CCDC185: variants seen among roughly 807,000 people sequenced by gnomAD.
The protein encoded by CCDC185 is coiled-coil domain containing 185.
For missense variants in CCDC185, 982 were observed against 825.3 expected (o/e 1.19, Z -2.33); for synonymous variants, 381 against 348.1 (o/e 1.09, Z -1.05).
rs1346796479 is a variant in CCDC185, at chr1:223,394,389, T to A, written c.914T>A (p.Leu305Gln). 2 of 1,570,804 alleles carry A rather than the reference T, an allele frequency of 1.3e-6. No individual in the cohort carries two copies. The highest frequency in any genetic ancestry group is 8.6e-7 in the Non-Finnish European group (1 of 1,158,426). ...ACCCTGGAGCGGGAGCGCCGGCTGC[T>A]GCTGCGGCAGAGCCAGGAGCAGTGG... ...QMTLERERRL[L>Q]LRQSQEQWQE... The change falls in exon 1 of 1, where the codon CTG becomes CAG. Residue 305 changes from leucine (L) to glutamine (Q), a missense_variant. Coordinates refer to ENST00000366875, the MANE Select transcript of CCDC185 (RefSeq NM_152610.3).
In CCDC185 at chr1:223,395,083, C is replaced by A. The variant is rs1669645438; in HGVS notation, c.1608C>A (p.Asn536Lys). ...AGGTGCAGCACCTCCGGGAGCTCAA[C>A]CACCTGAGGGAGAAAAACCACCACA... ...RDKVQHLREL[N>K]HLREKNHHIL... Residue 536 changes from asparagine to lysine, a missense_variant, in exon 1 of 1, where the codon AAC becomes AAA. Coordinates refer to ENST00000366875, the MANE Select transcript of CCDC185 (RefSeq NM_152610.3). 2 of 1,614,022 alleles carry A rather than the reference C, an allele frequency of 1.2e-6. No homozygotes were observed. Among genetic ancestry groups the A allele is most frequent in the African/African-American group, 2.7e-5 (2 of 74,908 alleles).
chr1:223,393,767 A>G lies in CCDC185; in HGVS notation c.292A>G (p.Lys98Glu). Residue 98 changes from lysine to glutamate, a missense_variant, in exon 1 of 1, where the codon AAG becomes GAG. By Grantham distance (56) the Lys-to-Glu change is moderately conservative. Coordinates refer to ENST00000366875, the MANE Select transcript of CCDC185 (RefSeq NM_152610.3). This position sits in a 1 kb window ranked among gnomAD's most constrained non-coding sequence, Gnocchi z 4.8. ...CCGCAGGCCCCTGGAACGTTCCAGG[A>G]AGCACCGGCCCCGCAGCAGGCGCCT... ...VARRPLERSRKHRPRSRRLED... is the reference protein window; with the variant it reads ...VARRPLERSREHRPRSRRLED... 6.4e-7 allele frequency: 1 copy of G among 1,565,384 alleles called. No individual in the cohort carries two copies. The highest frequency in any genetic ancestry group is 8.6e-7 in the Non-Finnish European group (1 of 1,157,394).
chr1:223,395,189 G>GTGCAGCACATT, the CCDC185 span: 1 of 1,613,850 alleles, frequency 6.2e-7, no homozygotes, highest in Admixed American at 1.7e-5. Context: ...GGAGCAGAGG[G>GTGCAGCACATT]TGCAGCACAT....
chr1:223,393,946 G>C lies in CCDC185; in HGVS notation c.471G>C (p.Leu157=), dbSNP rs372852411. The C allele has an allele frequency of 2.5e-6, 4 of 1,613,658 alleles. No homozygotes were observed. Among genetic ancestry groups the C allele is most frequent in the Non-Finnish European group, 3.4e-6 (4 of 1,179,936 alleles). Residue 157 remains leucine (L), a synonymous_variant, in exon 1 of 1, where the codon CTG becomes CTC. Coordinates refer to ENST00000366875, the MANE Select transcript of CCDC185 (RefSeq NM_152610.3). The surrounding 1 kb of genome is among the most constrained non-coding windows in gnomAD (Gnocchi z 4.8). ...GCCCCGGAGGAGCTGGCACTCCCCT[G>C]AGTGGCACATTCAGGGTAGAAAAGG... ...PPCPGGAGTP[L]SGTFRVEKAQ... is the part of the protein sequence containing the mutation.
Position 223,394,579 on chromosome 1 carries a change from A to C in CCDC185, c.1104A>C (p.Ala368=). 5.0e-6 allele frequency: 8 copies of C among 1,609,520 alleles called. No individual in the cohort carries two copies. Among genetic ancestry groups the C allele is most frequent in the Non-Finnish European group, 6.8e-6 (8 of 1,178,170 alleles). ...QEKLEKARAQ[A]EHRKQCQVRR... Reference sequence around the variant, plus strand: ...AGCTGGAGAAGGCGCGCGCCCAGGCAGAGCACCGAAAACAGTGCCAGGTGC... The same window carrying C: ...AGCTGGAGAAGGCGCGCGCCCAGGCCGAGCACCGAAAACAGTGCCAGGTGC... The change falls in exon 1 of 1, where the codon GCA becomes GCC. Residue 368 remains alanine (A), a synonymous_variant. Transcript: ENST00000366875.
rs1244788991 is a variant in CCDC185 at position 223,393,551 on chromosome 1, G to A, written c.76G>A (p.Glu26Lys). 3.8e-6 allele frequency: 6 copies of A among 1,558,706 alleles called. No homozygotes were observed. In the African/African-American group the frequency reaches 7.0e-5, roughly 18 times the overall value. ...WEPPRPGGER[E>K]STQRLGGQRS... ...ACCCCCGCGGCCCGGCGGAGAACGA[G>A]AGTCCACGCAGCGGCTGGGCGGGCA... Residue 26 changes from glutamate to lysine, a missense_variant, in exon 1 of 1, where the codon GAG becomes AAG. Transcript: ENST00000366875. The surrounding 1 kb of genome is among the most constrained non-coding windows in gnomAD (Gnocchi z 4.8).
Position 223,393,713 on chromosome 1 carries a change from C to A in CCDC185, c.238C>A (p.Arg80=). 6.4e-7 allele frequency: 1 copy of A among 1,569,046 alleles called. No homozygotes were observed. Among genetic ancestry groups the A allele is most frequent in the South Asian group, 1.2e-5 (1 of 86,062 alleles). ...CAGGCGCGGGTGCTCAGATTCACTGCGGGGCAGCCGAAGCCTGAGCGATGT... is the reference window on the plus strand; with the variant it reads ...CAGGCGCGGGTGCTCAGATTCACTGAGGGGCAGCCGAAGCCTGAGCGATGT... ...PRRRGCSDSL[R]GSRSLSDVAR... is the part of the protein sequence containing the mutation. The change falls in exon 1 of 1, where the codon CGG becomes AGG. Residue 80 remains arginine (R), a synonymous_variant. Coordinates refer to ENST00000366875, the MANE Select transcript of CCDC185 (RefSeq NM_152610.3). The surrounding 1 kb of genome is among the most constrained non-coding windows in gnomAD (Gnocchi z 4.8).
chr1:223,395,274 C>T lies in CCDC185; in HGVS notation c.1799C>T (p.Pro600Leu), dbSNP rs1558299581. ...GCCTCCAGGAGAGAGGAGAGAGCGC[C>T]TCCCAACAGCTCCCTTGATCAGATG... ...PQASRREERA[P>L]PNSSLDQMVL... Residue 600 changes from proline (P) to leucine (L), a missense_variant, in exon 1 of 1, where the codon CCT (proline) becomes CTT (leucine). Pro to Leu is a moderately conservative substitution (Grantham distance 98). Coordinates refer to ENST00000366875, the MANE Select transcript of CCDC185 (RefSeq NM_152610.3). The T allele has an allele frequency of 6.4e-7, 1 of 1,568,708 alleles. No homozygotes were observed. Among genetic ancestry groups the T allele is most frequent in the Non-Finnish European group, 8.6e-7 (1 of 1,162,068 alleles).
At position 223,395,199 on chromosome 1, in the gene CCDC185, T is replaced by A. The variant is rs1327487890; in HGVS notation, c.1724T>A (p.Ile575Asn). 2 of 1,613,474 alleles carry A rather than the reference T, an allele frequency of 1.2e-6. No individual in the cohort carries two copies. Among genetic ancestry groups the A allele is most frequent in the Non-Finnish European group, 1.7e-6 (2 of 1,179,928 alleles). Reference sequence around the variant, plus strand: ...AAAAAGGAGCAGAGGGTGCAGCACATTTCCCAAGGGAAAGACCCAAACTTC... The same window carrying A: ...AAAAAGGAGCAGAGGGTGCAGCACAATTCCCAAGGGAAAGACCCAAACTTC... Reference protein sequence around the residue: ...IKKKEQRVQHISQGKDPNFQE... With the variant: ...IKKKEQRVQHNSQGKDPNFQE... The change falls in exon 1 of 1, where the codon ATT becomes AAT. Residue 575 changes from isoleucine (I) to asparagine (N), a missense_variant. Ile to Asn is a moderately radical substitution (Grantham distance 149). Transcript: ENST00000366875.
In CCDC185 at chr1:223,393,457, C is replaced by A. The variant is rs770154745; in HGVS notation, c.-19C>A. ...TCTCAGGCCCCTTGGGCAGACGCTG[C>A]GCGTGCCCAGAGGGAGGGATGGCAG... On this transcript the variant is annotated 5_prime_UTR_variant, in exon 1 of 1. Coordinates refer to ENST00000366875, the MANE Select transcript of CCDC185 (RefSeq NM_152610.3). This position sits in a 1 kb window ranked among gnomAD's most constrained non-coding sequence, Gnocchi z 4.8. The A allele has an allele frequency of 2.8e-6, 4 of 1,443,748 alleles. No individual in the cohort carries two copies. The highest frequency in any genetic ancestry group is 3.6e-6 in the Non-Finnish European group (4 of 1,098,976). 89.4% of individuals were successfully genotyped at this position (1,443,748 alleles called of 1,614,324 possible).
Position 223,394,062 on chromosome 1 carries a change from C to T in CCDC185, c.587C>T (p.Pro196Leu). 1.2e-6 allele frequency: 2 copies of T among 1,614,168 alleles called. No individual in the cohort carries two copies. The change falls in exon 1 of 1, where the codon CCC (proline) becomes CTC (leucine). Residue 196 changes from proline (P) to leucine (L), a missense_variant. Transcript: ENST00000366875. ...GTTCCCTCGGAGCGGTCTTCTGTGC[C>T]CTCGCAAAAGTTCAAGAGGCACTCA... ...SSVPSERSSV[P>L]SQKFKRHSAC...
In CCDC185 at chr1:223,394,041, C is replaced by T; in HGVS notation, c.566C>T (p.Pro189Leu). 1.2e-6 allele frequency: 2 copies of T among 1,614,182 alleles called. No homozygotes were observed. The highest frequency in any genetic ancestry group is 1.7e-6 in the Non-Finnish European group (2 of 1,180,036). The change falls in exon 1 of 1, where the codon CCC becomes CTC. Residue 189 changes from proline to leucine, a missense_variant. Transcript: ENST00000366875. ...HLGRWSPSSV[P>L]SERSSVPSQK... ...GGTCGCTGGTCCCCTTCCTCAGTTC[C>T]CTCGGAGCGGTCTTCTGTGCCCTCG...
rs1409803338 is a variant in CCDC185, at chr1:223,393,759, G to C, written c.284G>C (p.Arg95Pro). Residue 95 changes from arginine to proline, a missense_variant, in exon 1 of 1, where the codon CGT becomes CCT. By Grantham distance (103) the Arg-to-Pro change is moderately radical. Transcript: ENST00000366875. The surrounding 1 kb of genome is among the most constrained non-coding windows in gnomAD (Gnocchi z 4.8). ...LSDVARRPLE[R>P]SRKHRPRSRR... is the part of the protein sequence containing the mutation. ...GATGTGGCCCGCAGGCCCCTGGAAC[G>C]TTCCAGGAAGCACCGGCCCCGCAGC... 11 of 1,564,950 alleles carry C rather than the reference G, an allele frequency of 7.0e-6. No homozygotes were observed. Among genetic ancestry groups the C allele is most frequent in the Admixed American group, 1.9e-5 (1 of 52,798 alleles).
In CCDC185 at chr1:223,394,566, C is replaced by T. The variant is rs1002892374; in HGVS notation, c.1091C>T (p.Ala364Val). The change falls in exon 1 of 1, where the codon GCG becomes GTG. Residue 364 changes from alanine (A) to valine (V), a missense_variant. Coordinates refer to ENST00000366875, the MANE Select transcript of CCDC185 (RefSeq NM_152610.3). ...ESPRQEKLEK[A>V]RAQAEHRKQC... Reference sequence around the variant, plus strand: ...CCGCGCCAGGAGAAGCTGGAGAAGGCGCGCGCCCAGGCAGAGCACCGAAAA... The same window carrying T: ...CCGCGCCAGGAGAAGCTGGAGAAGGTGCGCGCCCAGGCAGAGCACCGAAAA... 1.1e-5 allele frequency: 18 copies of T among 1,605,028 alleles called. No individual in the cohort carries two copies. The African/African-American group carries it at 1.2e-4, about 11-fold the overall frequency.
chr1:223,394,324 C>T lies in CCDC185; in HGVS notation c.849C>T (p.Ala283=). Residue 283 remains alanine, a synonymous_variant, in exon 1 of 1, where the codon GCC becomes GCT. Coordinates refer to ENST00000366875, the MANE Select transcript of CCDC185 (RefSeq NM_152610.3). The stretch of plus-strand genomic sequence containing the variant: ...AGCTGCAGCAGCAGGCGGCTAAGGC[C>T]TGGGAGGAGCTGAAGCGCTCGGATC... ...IRELQQQAAK[A]WEELKRSDQK... The T allele has an allele frequency of 6.2e-7, 1 of 1,606,072 alleles. No homozygotes were observed. The highest frequency in any genetic ancestry group is 8.5e-7 in the Non-Finnish European group (1 of 1,176,546).
Position 223,395,252 on chromosome 1 carries a change from T to A in CCDC185, c.1777T>A (p.Ser593Thr). Residue 593 changes from serine to threonine, a missense_variant, in exon 1 of 1, where the codon TCC becomes ACC. By Grantham distance (58) the Ser-to-Thr change is moderately conservative (BLOSUM62 1). Transcript: ENST00000366875. ...FQEFQKLPQA[S>T]RREERAPPNS... ...GGAGTTCCAGAAGCTCCCTCAGGCC[T>A]CCAGGAGAGAGGAGAGAGCGCCTCC... 1 of 1,601,626 alleles carries A rather than the reference T, an allele frequency of 6.2e-7. No homozygotes were observed. The highest frequency in any genetic ancestry group is 8.5e-7 in the Non-Finnish European group (1 of 1,175,450).
chr1:223,394,209 G>T lies in CCDC185; in HGVS notation c.734G>T (p.Ser245Ile), dbSNP rs1390761224. ...MRSPHTQVLK[S>I]KLEEVVVSSQ... is the part of the protein sequence containing the mutation. ...AGCCCGCACACCCAGGTCCTGAAGA[G>T]CAAGCTGGAAGAGGTGGTGGTGTCC... The change falls in exon 1 of 1, where the codon AGC (serine) becomes ATC (isoleucine). Residue 245 changes from serine (S) to isoleucine (I), a missense_variant. Physicochemically the swap from Ser to Ile is moderately radical, Grantham distance 142 (BLOSUM62 -2). Coordinates refer to ENST00000366875, the MANE Select transcript of CCDC185 (RefSeq NM_152610.3). The T allele has an allele frequency of 1.2e-6, 2 of 1,613,986 alleles. No homozygotes were observed. Among genetic ancestry groups the T allele is most frequent in the Non-Finnish European group, 1.7e-6 (2 of 1,180,036 alleles).
the CCDC185 span, chr1:223,394,958 TC>T: frequency 6.2e-7 from 1 of 1,612,662 alleles, no homozygotes; most frequent in South Asian, 1.1e-5. Flanking sequence ...CGCAGGGGAG[TC>T]AGAGGAACAG....
Position 223,395,330 on chromosome 1 carries a change from C to A in CCDC185, c.1855C>A (p.Gln619Lys). The change falls in exon 1 of 1, where the codon CAG becomes AAG. Residue 619 changes from glutamine (Q) to lysine (K), a missense_variant. Coordinates refer to ENST00000366875, the MANE Select transcript of CCDC185 (RefSeq NM_152610.3). ...AGAGGCCCAGCTCCGTGCCTGTCAG[C>A]AGAACAGGGGTTACTGAGAACCAAG... ...VLEAQLRACQ[Q>K]NRGY The A allele has an allele frequency of 2.6e-6, 4 of 1,521,162 alleles. No individual in the cohort carries two copies. The highest frequency in any genetic ancestry group is 3.5e-6 in the Non-Finnish European group (4 of 1,138,096). The allele number at this position is 1,521,162 out of a possible 1,614,324, so 94.2% of individuals were successfully genotyped here.
Sources: allele counts gnomAD v4.1 joint callset, GRCh38; gene constraint gnomAD v4.1.1; non-coding constraint Gnocchi (gnomAD v3.1); transcripts MANE v1.5; gene names NCBI Gene and HGNC (gene_info 2026-07-23, HGNC 2026-07-21).